The following HEATR5B variants were observed in gnomAD, a reference collection of about 807,000 sequenced individuals.
HEATR5B encodes the protein HEAT repeat-containing protein 5B.
HEATR5B carries 156 observed loss-of-function variants against 224.1 expected under a neutral mutation model. The observed-to-expected ratio is 0.70, with a 90% CI of 0.61 to 0.80. HEATR5B has a LOEUF of 0.80. HEATR5B is among the 30% of genes least tolerant of loss of function. The probability of loss-of-function intolerance (pLI) is 0.00; values close to 1 mark genes in which losing one functional copy is unlikely to be tolerated. For missense variants in HEATR5B, 2,323 were observed against 2,535.5 expected, an observed-to-expected ratio of 0.92 and a Z score of 1.80; for synonymous variants, 1,027 against 893.0, an observed-to-expected ratio of 1.15 and a Z score of -2.68.
intron 4 of HEATR5B, chr2:37,076,148 CA>C (rs5830454): frequency 0.87 from 131,853 of 151,952 alleles, 57,770 homozygotes; most frequent in East Asian, 1. Flanking sequence ...GTATACTCAT[CA>C]CAGTGTATCA....
intron 13 of HEATR5B, 82 bp from the exon 14 acceptor site, chr2:37,058,642 C>T: frequency 1.1e-6 from 1 of 899,968 alleles, no homozygotes; most frequent in Non-Finnish European, 1.8e-6. Context: ...TATCAATGTA[C>T]TGCCAAACTA....
At chr2:37,014,151 C>T (rs1667966102) in intron 26 of HEATR5B, 131 bp from the exon 27 acceptor site, 1 of 466,412 alleles carries the variant, frequency 2.1e-6, no homozygotes, top group African/African-American at 2.0e-5. Context: ...CTACCCAATG[C>T]TATGCTTTGA....
chr2:37,053,455 A>T (rs781356530), intron 17 of HEATR5B, 47 bp downstream of exon 17: 10 of 1,050,640 alleles, frequency 9.5e-6, no homozygotes, highest in Non-Finnish European at 1.4e-5. Flanking sequence ...TATTAAATGC[A>T]TTAATTAAAA....
chr2:37,029,574 G>C (rs1469555779), intron 22 of HEATR5B, among the ~76,000 whole-genome samples: 4 of 152,144 alleles, frequency 2.6e-5, no homozygotes, highest in African/African-American at 9.7e-5. Context: ...TGAGGCAGGA[G>C]AATCACCTGA....
chr2:37,059,188 A>G (rs1422288379), intron 12 of HEATR5B, among the ~76,000 whole-genome samples: 2 of 151,690 alleles, frequency 1.3e-5, no homozygotes, highest in African/African-American at 4.8e-5. Flanking sequence ...AGGTGGATAG[A>G]AAAATGGAGG....
intron 18 of HEATR5B, 115 bp downstream of exon 18, chr2:37,049,538 C>A (rs965986820): frequency 5.5e-6 from 5 of 911,336 alleles, no homozygotes; most frequent in Non-Finnish European, 8.3e-6. Flanking sequence ...ACAAAAAACC[C>A]ACAAAATATT....
At chr2:37,076,795 C>A in intron 4 of HEATR5B, 116 bp downstream of exon 4, 1 of 693,614 alleles carries the variant, frequency 1.4e-6, no homozygotes, top group South Asian at 1.9e-5. Flanking sequence ...TTTGTAATTA[C>A]CTCCTTGCTA....
chr2:36,991,784 T>C (rs780098727), intron 33 of HEATR5B, among the ~76,000 whole-genome samples: 2 of 152,182 alleles, frequency 1.3e-5, no homozygotes, highest in Non-Finnish European at 2.9e-5. Context: ...CCAGTGATAA[T>C]CAGTACTTTA....
chr2:36,987,964 C>G (rs1666056042), intron 35 of HEATR5B, among the ~76,000 whole-genome samples: 1 of 151,810 alleles, frequency 6.6e-6, no homozygotes, highest in Non-Finnish European at 1.5e-5. Context: ...CCCAGCTACT[C>G]CGGAGGCTGA....
intron 12 of HEATR5B, among the ~76,000 whole-genome samples, chr2:37,059,406 ATGTGTGTGTGTGTGTGTGTGTGTGTG>A (rs529487124): frequency 1.0e-5 from 1 of 100,224 alleles, no homozygotes; most frequent in African/African-American, 4.0e-5. Context: ...ATATATGTAT[ATGTGTGTGTGTGTGTGTGTGTGTGTG>A]TGTGTGTGTG....
chr2:37,065,939 T>C (rs564659936), intron 8 of HEATR5B, 29 bp from the exon 9 acceptor site: 11 of 1,582,360 alleles, frequency 7.0e-6, no homozygotes, highest in Admixed American at 5.2e-5. Context: ...GTCTTTGACA[T>C]AGGAGAAATG....
In HEATR5B at chr2:37,056,435, C is replaced by T; in HGVS notation, c.2399+5G>A. The T allele has an allele frequency of 6.3e-7, 1 of 1,584,622 alleles. No individual in the cohort carries two copies. Among genetic ancestry groups the T allele is most frequent in the Non-Finnish European group, 8.6e-7 (1 of 1,169,180 alleles). On this transcript the variant is annotated splice_donor_5th_base_variant and intron_variant, in intron 16 of 35. Coordinates refer to ENST00000233099, the MANE Select transcript of HEATR5B (RefSeq NM_019024.3). ...CAAAAATTACCTGATTGACTTTATACTAACCGGTGTTTATAAGAAACATGA... is the reference window on the plus strand; with the variant it reads ...CAAAAATTACCTGATTGACTTTATATTAACCGGTGTTTATAAGAAACATGA...
chr2:37,054,480 A>ATTTTTT (rs11433192), intron 16 of HEATR5B, among the ~76,000 whole-genome samples: 4 of 75,218 alleles, frequency 5.3e-5, no homozygotes, highest in Admixed American at 1.9e-4. Flanking sequence ...TGTGCTCTGC[A>ATTTTTT]TTTTTTTTTT....
At position 37,056,626 on chromosome 2, in the gene HEATR5B, G is replaced by GT; in HGVS notation, c.2224-12dup. 3.8e-6 allele frequency: 6 copies of GT among 1,572,786 alleles called. No homozygotes were observed. Among genetic ancestry groups the GT allele is most frequent in the Non-Finnish European group, 4.3e-6 (5 of 1,160,254 alleles). Reference sequence around the variant, plus strand: ...ACTGTTTGGCTGGAGCTGCAAAAGAGTGAAATAAAAATTATTCAAAATCTA... The same window carrying GT: ...ACTGTTTGGCTGGAGCTGCAAAAGAGTTGAAATAAAAATTATTCAAAATCTA... On this transcript the variant is annotated splice_polypyrimidine_tract_variant and intron_variant, in intron 15 of 35. Transcript: ENST00000233099.
In HEATR5B at chr2:37,060,650, C is replaced by T. The variant is rs770344348; in HGVS notation, c.1780G>A (p.Ala594Thr). Residue 594 changes from alanine (A) to threonine (T), a missense_variant, in exon 12 of 36, where the codon GCT (alanine) becomes ACT (threonine). This residue lies in a region of HEATR5B where 502 missense variants were observed against 517.8 expected (regional missense o/e 0.97). Coordinates refer to ENST00000233099, the MANE Select transcript of HEATR5B (RefSeq NM_019024.3). ...AAAGAATCGCCTCGGGCCTTCTCAGCTTCCAATTCCTTTAAGGAACGTGGG... is the reference window on the plus strand; with the variant it reads ...AAAGAATCGCCTCGGGCCTTCTCAGTTTCCAATTCCTTTAAGGAACGTGGG... Reference protein sequence around the residue: ...VFPRSLKELEAEKARGDSFTW... With the variant: ...VFPRSLKELETEKARGDSFTW... 1 of 1,614,024 alleles carries T rather than the reference C, an allele frequency of 6.2e-7. No homozygotes were observed. Among genetic ancestry groups the T allele is most frequent in the South Asian group, 1.1e-5 (1 of 91,080 alleles).
rs549111841 is a variant in HEATR5B at position 37,050,681 on chromosome 2, T to C, written c.2506-838A>G. Among the ~76,000 whole-genome samples, 6 of 152,274 alleles carry C rather than the reference T, an allele frequency of 3.9e-5. No individual in the cohort carries two copies. The East Asian group carries it at 5.8e-4, about 15-fold the overall frequency. ...TACTCTTGATGAATATGAAACTGAATAGTTTATATAAAAATTTCACAGAAG... is the reference window on the plus strand; with the variant it reads ...TACTCTTGATGAATATGAAACTGAACAGTTTATATAAAAATTTCACAGAAG... On this transcript the variant is annotated intron_variant, in intron 17 of 35. Coordinates refer to ENST00000233099, the MANE Select transcript of HEATR5B (RefSeq NM_019024.3).
chr2:37,064,883 T>C lies in HEATR5B; in HGVS notation c.1441A>G (p.Thr481Ala), dbSNP rs534331425. 100 of 1,614,092 alleles carry C rather than the reference T, an allele frequency of 6.2e-5. 2 individuals are homozygous for C. In the South Asian group the frequency reaches 1.0e-3, roughly 17 times the overall value. ...CVAVALPFQL[T>A]PFLDRCAERL... ...TCTGCACACCTGTCTAGAAATGGTG[T>C]CAGCTGGAAAGGTAATGCCACAGCC... The change falls in exon 10 of 36, where the codon ACA becomes GCA. Residue 481 changes from threonine to alanine, a missense_variant. Coordinates refer to ENST00000233099, the MANE Select transcript of HEATR5B (RefSeq NM_019024.3).
chr2:37,057,169 C>G, intron 15 of HEATR5B, 148 bp downstream of exon 15: 1 of 513,206 alleles, frequency 1.9e-6, no homozygotes, highest in Non-Finnish European at 3.2e-6. Flanking sequence ...TTTTCACTAT[C>G]TACCACCAGG....
chr2:37,048,202 T>G (rs974101121), intron 18 of HEATR5B, among the ~76,000 whole-genome samples: 6 of 151,512 alleles, frequency 4.0e-5, no homozygotes, highest in Non-Finnish European at 5.9e-5. Flanking sequence ...TTTTTTTTTT[T>G]GAGACAGAGT....
Sources: allele counts gnomAD v4.1 joint callset (sites outside exome capture counted in the v4.1 genomes callset), GRCh38; gene constraint gnomAD v4.1.1; regional missense constraint gnomAD v4.1.1; transcripts MANE v1.5; gene names NCBI Gene and HGNC (gene_info 2026-07-23, HGNC 2026-07-21).